Variants in HIKESHI observed in about 807,000 individuals in gnomAD.
The protein encoded by HIKESHI is protein Hikeshi.
In HIKESHI, 13 loss-of-function variants were observed where a neutral mutation model predicts 25.7. That is an observed-to-expected ratio of 0.51 (90% confidence interval 0.33 to 0.80). The LOEUF is 0.80. HIKESHI is among the 30% of genes least tolerant of loss of function. The pLI, the probability that HIKESHI is intolerant of heterozygous loss-of-function variation, is 0.02. For synonymous variants in HIKESHI, 76 were observed against 78.7 expected (o/e 0.97, Z 0.18); for missense variants, 174 against 229.5 (o/e 0.76, Z 1.56).
At chr11:86,335,302 A>G (rs1343069841) in intron 2 of HIKESHI, among the ~76,000 whole-genome samples, 1 of 152,194 alleles carries the variant, frequency 6.6e-6, no homozygotes, top group Admixed American at 6.5e-5. Flanking sequence ...AAAAGTATTT[A>G]CAGACATATG....
intron 4 of HIKESHI, 45 bp downstream of exon 4, chr11:86,344,766 G>C (rs754058128): frequency 3.3e-6 from 4 of 1,225,460 alleles, no homozygotes; most frequent in Non-Finnish European, 4.8e-6. Flanking sequence ...TTTTATAACT[G>C]AATATCTATT....
intron 2 of HIKESHI, among the ~76,000 whole-genome samples, chr11:86,323,298 G>T (rs895459357): frequency 6.6e-6 from 1 of 152,198 alleles, no homozygotes; most frequent in South Asian, 2.1e-4. Context: ...AGAAATAAAT[G>T]TAAATAGATA....
chr11:86,329,605 T>C (rs1436070435), intron 2 of HIKESHI, among the ~76,000 whole-genome samples: 3 of 151,172 alleles, frequency 2.0e-5, no homozygotes. Context: ...TGCCTTATGG[T>C]ATTGTCTAGG....
At chr11:86,334,757 T>A (rs1271580188) in intron 2 of HIKESHI, among the ~76,000 whole-genome samples, 1 of 152,090 alleles carries the variant, frequency 6.6e-6, no homozygotes, top group Admixed American at 6.6e-5. Flanking sequence ...TAAGCGATCC[T>A]CCCACCTCCA....
intron 1 of HIKESHI, among the ~76,000 whole-genome samples, chr11:86,305,337 T>C (rs1946595692): frequency 6.6e-6 from 1 of 151,428 alleles, no homozygotes; most frequent in African/African-American, 2.4e-5. Flanking sequence ...GCTTAGGTGA[T>C]GTGTTTTGAA....
chr11:86,304,813 G>A (rs1231634963), intron 1 of HIKESHI, among the ~76,000 whole-genome samples: 1 of 152,086 alleles, frequency 6.6e-6, no homozygotes, highest in African/African-American at 2.4e-5. Flanking sequence ...ACTGTGCCAG[G>A]CCTACAACTC....
At chr11:86,345,308 C>T in intron 4 of HIKESHI, 1 of 350,068 alleles carries the variant, frequency 2.9e-6, no homozygotes, top group South Asian at 4.9e-5. Flanking sequence ...CCTTAGGTCC[C>T]TTCTAGGTCT....
chr11:86,321,137 G>C (rs1364660477), intron 2 of HIKESHI, among the ~76,000 whole-genome samples: 1 of 152,100 alleles, frequency 6.6e-6, no homozygotes, highest in Non-Finnish European at 1.5e-5. Context: ...GTTTCACCAT[G>C]TTGGCCAGGC....
rs146856533 is a variant in HIKESHI, at chr11:86,309,351, G to A, written c.268+2869G>A. Among the ~76,000 whole-genome samples the A allele has an allele frequency of 1.8e-3, 275 of 152,242 alleles. 1 individual carries two copies. The highest frequency in any genetic ancestry group is 6.5e-3 in the African/African-American group (270 of 41,550). On this transcript the variant is annotated intron_variant, in intron 2 of 4. Transcript: ENST00000278483. The stretch of plus-strand genomic sequence containing the variant: ...TGGGCATTTTTTCACGTGTCTGTTG[G>A]CTACATACATGTCTTCTTTTGAGAA...
intron 2 of HIKESHI, among the ~76,000 whole-genome samples, chr11:86,319,686 G>C (rs1379391385): frequency 1.3e-5 from 2 of 152,000 alleles, no homozygotes; most frequent in Non-Finnish European, 2.9e-5. Context: ...GTCCTTACAT[G>C]GCAATTGGTT....
intron 2 of HIKESHI, among the ~76,000 whole-genome samples, chr11:86,312,847 G>C (rs1000852695): frequency 6.6e-6 from 1 of 152,116 alleles, no homozygotes; most frequent in Admixed American, 6.6e-5. Context: ...GAAATTCTGG[G>C]TTGAAAATTC....
chr11:86,308,000 G>A (rs191386795), intron 2 of HIKESHI, among the ~76,000 whole-genome samples: 518 of 35,002 alleles, frequency 0.015, 1 homozygote, highest in South Asian at 0.029. Flanking sequence ...TATATAAAAT[G>A]TATATTATGT....
intron 2 of HIKESHI, among the ~76,000 whole-genome samples, chr11:86,316,160 A>G (rs1946972925): frequency 6.6e-6 from 1 of 150,732 alleles, no homozygotes; most frequent in Admixed American, 6.6e-5. Context: ...CTATCATTAG[A>G]CTAAGTGGAG....
chr11:86,342,057 C>T (rs752682948), intron 3 of HIKESHI, among the ~76,000 whole-genome samples: 2 of 107,766 alleles, frequency 1.9e-5, no homozygotes, highest in South Asian at 3.7e-4. Flanking sequence ...AAAATTTTGC[C>T]AAACTGATGA....
intron 2 of HIKESHI, among the ~76,000 whole-genome samples, chr11:86,310,185 G>T (rs1263528094): frequency 1.0e-4 from 15 of 146,652 alleles, no homozygotes; most frequent in South Asian, 2.2e-4. Context: ...ATATTGATTC[G>T]TCCTATCCAT....
chr11:86,345,165 A>T (rs1160227741), intron 4 of HIKESHI: 2 of 1,037,466 alleles, frequency 1.9e-6, no homozygotes, highest in Non-Finnish European at 2.3e-6. Context: ...AAGTGGTACC[A>T]TGGTGTAGCA....
At chr11:86,344,508 T>C in intron 3 of HIKESHI, 95 bp from the exon 4 acceptor site, 3 of 784,844 alleles carry the variant, frequency 3.8e-6, no homozygotes, top group Non-Finnish European at 2.0e-6. Context: ...ACACTCCCTA[T>C]AAACAAGTTA....
intron 2 of HIKESHI, among the ~76,000 whole-genome samples, chr11:86,313,876 T>C (rs1411354279): frequency 6.6e-6 from 1 of 152,146 alleles, no homozygotes; most frequent in Non-Finnish European, 1.5e-5. Flanking sequence ...GAGAGATCTA[T>C]TGGGCATTCT....
At chr11:86,337,623 T>C (rs1052858958) in intron 3 of HIKESHI, 93 bp downstream of exon 3, 16 of 1,282,364 alleles carry the variant, frequency 1.2e-5, no homozygotes, top group African/African-American at 3.1e-5. Context: ...GGGTATACAA[T>C]GTGATGTTTT....
Sources: gnomAD v4.1 joint callset for allele counts (sites outside exome capture counted in the v4.1 genomes callset) on GRCh38, gnomAD v4.1.1 for gene constraint, MANE v1.5 for transcripts, NCBI Gene and HGNC (gene_info 2026-07-23, HGNC 2026-07-21) for gene names.